The following RABGAP1L variants were observed in gnomAD, a reference collection of about 807,000 sequenced individuals.
RABGAP1L encodes the protein rab GTPase-activating protein 1-like.
Under a neutral mutation model 137.7 loss-of-function variants are expected in RABGAP1L, and 63 were observed. The ratio of observed to expected loss-of-function variants is 0.46; its 90% confidence interval spans 0.37 to 0.56. The LOEUF is 0.56. Among genes scored for constraint, RABGAP1L ranks in the 20% least tolerant of loss-of-function variants. The probability of loss-of-function intolerance (pLI) is 0.00; values close to 1 mark genes in which losing one functional copy is unlikely to be tolerated. For synonymous variants in RABGAP1L, 431 were observed against 433.7 expected (o/e 0.99, Z 0.08); for missense variants, 1,095 against 1,244.0 (o/e 0.88, Z 1.80).
chr1:174,649,167 G>A (rs112764603), intron 14 of RABGAP1L, among the ~76,000 whole-genome samples: 32,107 of 152,036 alleles, frequency 0.21, 3,747 homozygotes, highest in Admixed American at 0.25. Context: ...TTGCCAGTCT[G>A]TGTCTTTTAA....
intron 18 of RABGAP1L, among the ~76,000 whole-genome samples, chr1:174,787,418 A>AT (rs1687534031): frequency 6.6e-6 from 1 of 151,916 alleles, no homozygotes; most frequent in African/African-American, 2.4e-5. Context: ...AAAAAAAAAA[A>AT]AAATAAGAGA....
intron 13 of RABGAP1L, among the ~76,000 whole-genome samples, chr1:174,577,690 T>G (rs1177795535): frequency 6.6e-6 from 1 of 152,224 alleles, no homozygotes; most frequent in East Asian, 1.9e-4. Context: ...GTAATCTGTT[T>G]AACACATGAA....
intron 14 of RABGAP1L, among the ~76,000 whole-genome samples, chr1:174,666,854 T>G (rs987237352): frequency 1.3e-5 from 2 of 152,074 alleles, no homozygotes; most frequent in Admixed American, 6.6e-5. Context: ...AAAACTTTCT[T>G]TAATAATTTT....
At chr1:174,806,278 C>T (rs991668501) in intron 18 of RABGAP1L, among the ~76,000 whole-genome samples, 12 of 152,186 alleles carry the variant, frequency 7.9e-5, no homozygotes, top group African/African-American at 2.9e-4. Context: ...ATTATGAGCA[C>T]TAATTATCTG....
chr1:174,350,084 G>A (rs1387645796), intron 11 of RABGAP1L, among the ~76,000 whole-genome samples: 2 of 138,506 alleles, frequency 1.4e-5, no homozygotes, highest in South Asian at 2.4e-4. Flanking sequence ...GGCTGGGCGG[G>A]GGGCTGACCC....
At chr1:174,345,408 T>C (rs1682345555) in intron 11 of RABGAP1L, among the ~76,000 whole-genome samples, 1 of 152,212 alleles carries the variant, frequency 6.6e-6, no homozygotes, top group Non-Finnish European at 1.5e-5. Context: ...TATTGATTCT[T>C]CCAGTGCGTG....
At chr1:174,438,534 A>G (rs1463903243) in intron 13 of RABGAP1L, among the ~76,000 whole-genome samples, 2 of 151,792 alleles carry the variant, frequency 1.3e-5, no homozygotes, top group East Asian at 1.9e-4. Context: ...CCTGGTCAAC[A>G]TAGTGAAACC....
At position 174,539,926 on chromosome 1, in the gene RABGAP1L, C is replaced by T. The variant is rs183025676; in HGVS notation, c.1711-97449C>T. ...TCCCACCAACAGTATAAAAGTTTTC[C>T]TATTTCTCCACATCCTCTCCAGCAC... On this transcript the variant is annotated intron_variant, in intron 13 of 25. Transcript: ENST00000681986. Among the ~76,000 whole-genome samples the T allele has an allele frequency of 9.2e-3, 1,397 of 152,284 alleles. 9 individuals carry two copies. Among genetic ancestry groups the T allele is most frequent in the Non-Finnish European group, 0.014 (944 of 68,024 alleles).
At chr1:174,359,973 T>C (rs1269760383) in intron 11 of RABGAP1L, among the ~76,000 whole-genome samples, 1 of 152,228 alleles carries the variant, frequency 6.6e-6, no homozygotes, top group African/African-American at 2.4e-5. Flanking sequence ...CATCCAACTG[T>C]TTGGCCCCTG....
At chr1:174,562,618 G>A (rs1259777359) in intron 13 of RABGAP1L, among the ~76,000 whole-genome samples, 6 of 152,062 alleles carry the variant, frequency 3.9e-5, no homozygotes, top group Admixed American at 3.9e-4. Context: ...ATGTCCATCA[G>A]TGATAGACTG....
At chr1:174,383,734 A>G (rs1053862543) in intron 12 of RABGAP1L, among the ~76,000 whole-genome samples, 1 of 152,156 alleles carries the variant, frequency 6.6e-6, no homozygotes, top group Non-Finnish European at 1.5e-5. Flanking sequence ...ATGGAAATGC[A>G]GAAATCACCC....
intron 20 of RABGAP1L, among the ~76,000 whole-genome samples, chr1:174,967,929 C>CA (rs200800559): frequency 0.021 from 2,786 of 134,644 alleles, 89 homozygotes; most frequent in African/African-American, 0.064. Flanking sequence ...TATTTTTTTC[C>CA]AAAAAAAAAA....
intron 13 of RABGAP1L, among the ~76,000 whole-genome samples, chr1:174,436,767 C>G (rs927779545): frequency 1.3e-5 from 2 of 152,174 alleles, no homozygotes; most frequent in African/African-American, 4.8e-5. Flanking sequence ...GGCAGACTGC[C>G]TCCTCAAGTG....
chr1:174,326,900 C>A (rs188439294), intron 11 of RABGAP1L, among the ~76,000 whole-genome samples: 3 of 152,172 alleles, frequency 2.0e-5, no homozygotes, highest in Non-Finnish European at 4.4e-5. Context: ...ATGATATATT[C>A]AAAGTGCTGA....
intron 13 of RABGAP1L, among the ~76,000 whole-genome samples, chr1:174,482,837 A>T (rs530255914): frequency 6.6e-6 from 1 of 152,216 alleles, no homozygotes; most frequent in Non-Finnish European, 1.5e-5. Context: ...TTTGAGCTTC[A>T]TAATTTGAAA....
At position 174,812,930 on chromosome 1, in the gene RABGAP1L, C is replaced by G. The variant is rs143490985; in HGVS notation, c.2340+970C>G. On this transcript the variant is annotated intron_variant, in intron 19 of 25. Coordinates refer to ENST00000681986, the MANE Select transcript of RABGAP1L (RefSeq NM_001366446.1). Reference sequence around the variant, plus strand: ...CAAAGGTCCAGAGACTGCCTCATGCCTGGGTGGGCTTGAGAAACAGGAAGG... The same window carrying G: ...CAAAGGTCCAGAGACTGCCTCATGCGTGGGTGGGCTTGAGAAACAGGAAGG... 7.3e-4 allele frequency among the ~76,000 whole-genome samples: 111 copies of G among 152,256 alleles called. 1 individual carries two copies. Among genetic ancestry groups the G allele is most frequent in the African/African-American group, 2.6e-3 (109 of 41,544 alleles).
intron 11 of RABGAP1L, among the ~76,000 whole-genome samples, chr1:174,328,011 A>ACGTATATATATATATATATG (rs1680695162): frequency 1.5e-5 from 2 of 134,874 alleles, no homozygotes; most frequent in African/African-American, 6.0e-5. Flanking sequence ...ATATATATAT[A>ACGTATATATATATATATATG]TATATATATA....
At chr1:174,550,893 TATACACACACACATATACACACACACAC>T (rs1666400782) in intron 13 of RABGAP1L, among the ~76,000 whole-genome samples, 5 of 55,492 alleles carry the variant, frequency 9.0e-5, no homozygotes, top group African/African-American at 2.2e-4. Context: ...TATATATATA[TATACACACACACATATACACACACACAC>T]ATATATATAT....
chr1:174,947,542 C>T (rs1331560886), intron 19 of RABGAP1L, among the ~76,000 whole-genome samples: 4 of 151,844 alleles, frequency 2.6e-5, no homozygotes, highest in Admixed American at 6.6e-5. Flanking sequence ...CTCAGCCTCC[C>T]GAGTAGCTGG....
Sources: allele counts gnomAD v4.1 joint callset (sites outside exome capture counted in the v4.1 genomes callset), GRCh38; gene constraint gnomAD v4.1.1; transcripts MANE v1.5; gene names NCBI Gene and HGNC (gene_info 2026-07-23, HGNC 2026-07-21).